The following CEACAM3 variants were observed in gnomAD, a reference collection of about 807,000 sequenced individuals.
CEACAM3 encodes cell adhesion molecule CEACAM3.
A neutral mutation model predicts 30.1 loss-of-function variants in CEACAM3; 32 were observed. The observed-to-expected ratio is 1.06, with a 90% CI of 0.80 to 1.43. The LOEUF is 1.43. CEACAM3 is among the 40% of genes most tolerant of loss of function. The pLI, the probability that CEACAM3 is intolerant of heterozygous loss-of-function variation, is 0.00. For synonymous variants in CEACAM3, 134 were observed against 127.2 expected (o/e 1.05, Z -0.36); for missense variants, 290 against 316.3 (o/e 0.92, Z 0.63).
At chr19:41,808,492 G>A (rs1174153103) in intron 2 of CEACAM3, among the ~76,000 whole-genome samples, 1 of 152,230 alleles carries the variant, frequency 6.6e-6, no homozygotes, top group Non-Finnish European at 1.5e-5. Context: ...CCCTTTGTGA[G>A]TGTCATGGGA....
At chr19:41,806,939 G>A (rs559550148) in intron 2 of CEACAM3, among the ~76,000 whole-genome samples, 18 of 152,146 alleles carry the variant, frequency 1.2e-4, no homozygotes, top group African/African-American at 4.1e-4. Context: ...CGCCCGCCTC[G>A]GCCTCCCAAA....
At position 41,797,691 on chromosome 19, in the gene CEACAM3, A is replaced by G; in HGVS notation, c.167A>G (p.His56Arg). 1 of 1,614,114 alleles carries G rather than the reference A, an allele frequency of 6.2e-7. No homozygotes were observed. Among genetic ancestry groups the G allele is most frequent in the Non-Finnish European group, 8.5e-7 (1 of 1,180,000 alleles). ...AEGKEVLLLV[H>R]NLPQHLFGYS... ...GGGAAGGAGGTGCTTCTACTTGTCC[A>G]CAATCTGCCCCAGCATCTTTTTGGC... is the stretch of plus-strand genomic sequence containing the variant. The change falls in exon 2 of 7, where the codon CAC (histidine) becomes CGC (arginine). Residue 56 changes from histidine (H) to arginine (R), a missense_variant. Physicochemically the swap from His to Arg is conservative, Grantham distance 29. Transcript: ENST00000357396.
intron 2 of CEACAM3, among the ~76,000 whole-genome samples, chr19:41,803,290 A>G (rs1203918099): frequency 6.6e-6 from 1 of 152,158 alleles, no homozygotes; most frequent in East Asian, 1.9e-4. Flanking sequence ...TAAAAAAAGA[A>G]ACCCTCCTGT....
rs1555825357 is a variant in CEACAM3, at chr19:41,797,582, C to T, written c.65-7C>T. 1 of 1,610,804 alleles carries T rather than the reference C, an allele frequency of 6.2e-7. No homozygotes were observed. The highest frequency in any genetic ancestry group is 1.7e-5 in the Admixed American group (1 of 59,900). ...CCCAATATTGACTGATGCTTTCTCCCTCCTAGCCTCACTTCTAAACTTCTG... is the reference window on the plus strand; with the variant it reads ...CCCAATATTGACTGATGCTTTCTCCTTCCTAGCCTCACTTCTAAACTTCTG... On this transcript the variant is annotated splice_polypyrimidine_tract_variant and splice_region_variant and intron_variant, in intron 1 of 6. Transcript: ENST00000357396.
chr19:41,810,623 AG>A (rs2073241748), intron 5 of CEACAM3, among the ~76,000 whole-genome samples: 1 of 152,180 alleles, frequency 6.6e-6, no homozygotes, highest in African/African-American at 2.4e-5. Context: ...ACCATCAGTC[AG>A]GGGCCCACAT....
chr19:41,801,750 C>T (rs2073149830), intron 2 of CEACAM3, among the ~76,000 whole-genome samples: 1 of 152,158 alleles, frequency 6.6e-6, no homozygotes, highest in Non-Finnish European at 1.5e-5. Flanking sequence ...TCATGGGTCA[C>T]AGTCCAGGTG....
intron 3 of CEACAM3, chr19:41,809,689 C>T: frequency 2.7e-6 from 1 of 369,808 alleles, no homozygotes. Context: ...CTGTTTCCTT[C>T]CTTGGGTCCT....
Position 41,797,763 on chromosome 19 carries a change from T to C in CEACAM3, c.239T>C (p.Val80Ala). Residue 80 changes from valine (V) to alanine (A), a missense_variant, in exon 2 of 7, where the codon GTA becomes GCA. Physicochemically the swap from Val to Ala is moderately conservative, Grantham distance 64 (BLOSUM62 0). Transcript: ENST00000357396. ...GERVDGNSLI[V>A]GYVIGTQQAT... ...AGAGTGGATGGCAACAGTCTAATTGTAGGATATGTAATAGGAACTCAACAA... is the reference window on the plus strand; with the variant it reads ...AGAGTGGATGGCAACAGTCTAATTGCAGGATATGTAATAGGAACTCAACAA... 3.7e-6 allele frequency: 6 copies of C among 1,612,534 alleles called. No homozygotes were observed. Among genetic ancestry groups the C allele is most frequent in the Non-Finnish European group, 5.1e-6 (6 of 1,179,938 alleles).
chr19:41,808,886 G>A lies in CEACAM3; in HGVS notation c.498G>A (p.Leu166=). Residue 166 remains leucine (L), a synonymous_variant, in exon 3 of 7, where the codon CTG becomes CTA. Transcript: ENST00000357396. The part of the protein sequence containing the change: ...IVTGVLVGVA[L]VAALVCFLLL... Reference sequence around the variant, plus strand: ...CCGGGGTCCTGGTCGGAGTGGCGCTGGTGGCCGCGCTGGTGTGTTTCCTGC... The same window carrying A: ...CCGGGGTCCTGGTCGGAGTGGCGCTAGTGGCCGCGCTGGTGTGTTTCCTGC... 6.2e-7 allele frequency: 1 copy of A among 1,608,626 alleles called. No individual in the cohort carries two copies. Among genetic ancestry groups the A allele is most frequent in the Non-Finnish European group, 8.5e-7 (1 of 1,177,430 alleles).
At chr19:41,809,113 G>T (rs2073228115) in intron 3 of CEACAM3, 183 bp downstream of exon 3, 2 of 509,822 alleles carry the variant, frequency 3.9e-6, no homozygotes, top group Middle Eastern at 1.0e-3. Flanking sequence ...TGCCTCAACA[G>T]CTTCCTCCTC....
rs782760672 is a variant in CEACAM3 at position 41,810,374 on chromosome 19, G to A, written c.627+20G>A. 9 of 1,593,632 alleles carry A rather than the reference G, an allele frequency of 5.6e-6. No homozygotes were observed. The highest frequency in any genetic ancestry group is 1.7e-4 in the Middle Eastern group (1 of 6,042). On this transcript the variant is annotated intron_variant, in intron 5 of 6. Transcript: ENST00000357396. The stretch of plus-strand genomic sequence containing the variant: ...TTCTCGGTAAGCCTGTCCCCTTCCA[G>A]CCCCTTTCTACTGGGGTCCCAGCTG...
In CEACAM3 at chr19:41,810,336, C is replaced by T. The variant is rs1555827423; in HGVS notation, c.609C>T (p.Ser203=). 6.2e-7 allele frequency: 1 copy of T among 1,605,116 alleles called. No individual in the cohort carries two copies. The highest frequency in any genetic ancestry group is 1.1e-5 in the South Asian group (1 of 88,938). The change falls in exon 5 of 7, where the codon TCC becomes TCT. Residue 203 remains serine, a synonymous_variant. Transcript: ENST00000357396. The stretch of plus-strand genomic sequence containing the variant: ...CTCTGTTTCCAGGCCGTGGTCCCTC[C>T]CACAGCTCTGCCTTCTCGGTAAGCC... ...PQALAPGRGP[S]HSSAFSMSPL...
At chr19:41,805,075 C>A (rs1555826535) in intron 2 of CEACAM3, among the ~76,000 whole-genome samples, 1 of 151,930 alleles carries the variant, frequency 6.6e-6, no homozygotes. Flanking sequence ...ACTTGTAATA[C>A]AAATATTCCA....
intron 2 of CEACAM3, among the ~76,000 whole-genome samples, chr19:41,805,285 CTTT>C (rs782317671): frequency 5.7e-5 from 6 of 105,014 alleles, no homozygotes; most frequent in African/African-American, 7.2e-5. Context: ...CTTTTTTCTT[CTTT>C]TTTTTTTTTT....
chr19:41,801,137 T>C (rs2073143156), intron 2 of CEACAM3, among the ~76,000 whole-genome samples: 1 of 152,188 alleles, frequency 6.6e-6, no homozygotes, highest in South Asian at 2.1e-4. Context: ...CCAGTGAGGA[T>C]GCCCCTGCCC....
chr19:41,801,119 C>T lies in CEACAM3; in HGVS notation c.424+3171C>T, dbSNP rs541353091. Among the ~76,000 whole-genome samples, 8 of 152,302 alleles carry T rather than the reference C, an allele frequency of 5.3e-5. No homozygotes were observed. In the South Asian group the frequency reaches 1.7e-3, roughly 32 times the overall value. ...ACCCCTTGTCCCTTATCTTCCTCCC[C>T]TTTCACACCAGTGAGGATGCCCCTG... On this transcript the variant is annotated intron_variant, in intron 2 of 6. Coordinates refer to ENST00000357396, the MANE Select transcript of CEACAM3 (RefSeq NM_001815.5).
At position 41,810,931 on chromosome 19, in the gene CEACAM3, G is replaced by T. The variant is rs1555827545; in HGVS notation, c.693+34G>T. 3.2e-6 allele frequency: 5 copies of T among 1,581,218 alleles called. No individual in the cohort carries two copies. In the Admixed American group the frequency reaches 5.2e-5, roughly 17 times the overall value. On this transcript the variant is annotated intron_variant, in intron 6 of 6. Coordinates refer to ENST00000357396, the MANE Select transcript of CEACAM3 (RefSeq NM_001815.5). ...GGGCCACGGATGTTCTGGTCCCACAGGCCCCAGGGGACCCAGGATCTTCCC... is the reference window on the plus strand; with the variant it reads ...GGGCCACGGATGTTCTGGTCCCACATGCCCCAGGGGACCCAGGATCTTCCC...
At chr19:41,805,843 T>C (rs1290286651) in intron 2 of CEACAM3, among the ~76,000 whole-genome samples, 1 of 152,184 alleles carries the variant, frequency 6.6e-6, no homozygotes, top group African/African-American at 2.4e-5. Flanking sequence ...CGTTCATATG[T>C]ATTTCTTATT....
chr19:41,797,926 A>G lies in CEACAM3; in HGVS notation c.402A>G (p.Ala134=). The G allele has an allele frequency of 6.2e-7, 1 of 1,609,250 alleles. No homozygotes were observed. The highest frequency in any genetic ancestry group is 8.5e-7 in the Non-Finnish European group (1 of 1,177,426). Residue 134 remains alanine (A), a synonymous_variant, in exon 2 of 7, where the codon GCA becomes GCG. Transcript: ENST00000357396. ...AGTCAGATCTTGTGAATGAAGAAGC[A>G]ACTGGACAGTTCCATGTATACCGTG... is the stretch of plus-strand genomic sequence containing the variant. ...VIKSDLVNEE[A]TGQFHVYQEN...
Sources: gnomAD v4.1 joint callset for allele counts (sites outside exome capture counted in the v4.1 genomes callset) on GRCh38, gnomAD v4.1.1 for gene constraint, MANE v1.5 for transcripts, NCBI Gene and HGNC (gene_info 2026-07-23, HGNC 2026-07-21) for gene names.